The following PCDHGA9 variants were observed in gnomAD, a reference collection of about 807,000 sequenced individuals.
PCDHGA9 encodes the protein protocadherin gamma subfamily A, 9, also known as protocadherin gamma-A9.
Under a neutral mutation model 62.5 loss-of-function variants are expected in PCDHGA9, and 37 were observed. The observed-to-expected ratio is 0.59, with a 90% CI of 0.46 to 0.78. The LOEUF (loss-of-function observed/expected upper bound fraction) is 0.78, where lower values mean the gene tolerates loss of function less well. PCDHGA9 is among the 30% of genes least tolerant of loss of function. PCDHGA9 has a pLI of 0.00. For synonymous variants in PCDHGA9, 459 were observed against 484.6 expected (o/e 0.95, Z 0.69); for missense variants, 1,138 against 1,166.2 (o/e 0.98, Z 0.35).
At chr5:141,423,342 C>A in intron 1 of PCDHGA9, 1 of 1,613,824 alleles carries the variant, frequency 6.2e-7, no homozygotes, top group South Asian at 1.1e-5. Flanking sequence ...CCTGCATCTT[C>A]CTGGTCTTTG....
chr5:141,432,050 C>T lies in PCDHGA9; in HGVS notation c.2424+26674C>T. The stretch of plus-strand genomic sequence containing the variant: ...GACCGCCACTGACCGGGGAACCCCG[C>T]CCCTATCCACGGAAACTCATATCTC... On this transcript the variant is annotated intron_variant, in intron 1 of 3. Transcript: ENST00000573521. The surrounding 1 kb of genome is among the most constrained non-coding windows in gnomAD (Gnocchi z 6.0). The T allele has an allele frequency of 6.2e-7, 1 of 1,614,218 alleles. No individual in the cohort carries two copies. The highest frequency in any genetic ancestry group is 8.5e-7 in the Non-Finnish European group (1 of 1,180,044).
In PCDHGA9 at chr5:141,431,155, C is replaced by T; in HGVS notation, c.2424+25779C>T. On this transcript the variant is annotated intron_variant, in intron 1 of 3. Transcript: ENST00000573521. This position sits in a 1 kb window ranked among gnomAD's most constrained non-coding sequence, Gnocchi z 4.8. ...GGGACATTAACGACAATGCGCCTTA[C>T]TTTCGTGAAAGTGAATTAGAAATAA... is the stretch of plus-strand genomic sequence containing the variant. 6.2e-7 allele frequency: 1 copy of T among 1,614,212 alleles called. No homozygotes were observed. Among genetic ancestry groups the T allele is most frequent in the Non-Finnish European group, 8.5e-7 (1 of 1,180,032 alleles).
rs764337284 is a variant in PCDHGA9, at chr5:141,490,255, G to A, written c.2425-4552G>A. Reference sequence around the variant, plus strand: ...GGAGGGCCACTGTGTGATTCAAGTGGATGTGGGGGATGTCAATGACAATGC... The same window carrying A: ...GGAGGGCCACTGTGTGATTCAAGTGAATGTGGGGGATGTCAATGACAATGC... On this transcript the variant is annotated intron_variant, in intron 1 of 3. Transcript: ENST00000573521. The surrounding 1 kb of genome is among the most constrained non-coding windows in gnomAD (Gnocchi z 5.4). 6 of 1,614,118 alleles carry A rather than the reference G, an allele frequency of 3.7e-6. No individual in the cohort carries two copies. In the Admixed American group the frequency reaches 6.7e-5, roughly 18 times the overall value.
chr5:141,506,415 C>T lies in PCDHGA9; in HGVS notation c.2572+934C>T, dbSNP rs2099853185. 2.0e-5 allele frequency among the ~76,000 whole-genome samples: 3 copies of T among 148,290 alleles called. No homozygotes were observed. The South Asian group carries it at 6.4e-4, about 32-fold the overall frequency. On this transcript the variant is annotated intron_variant, in intron 3 of 3. Coordinates refer to ENST00000573521, the MANE Select transcript of PCDHGA9 (RefSeq NM_018921.3). ...GAGCAGAAAATCGCACCACTGCACT[C>T]CAGCCTGGGCAACAGTCTCGCTCTG...
rs574059424 is a variant in PCDHGA9 at position 141,426,522 on chromosome 5, G to A, written c.2424+21146G>A. On this transcript the variant is annotated intron_variant, in intron 1 of 3. Transcript: ENST00000573521. ...AGAAACAATACTTTACCGTGAACAC[G>A]GAGAATGGGAACATACTTGTGAGTG... is the stretch of plus-strand genomic sequence containing the variant. The A allele has an allele frequency of 4.4e-5, 15 of 341,518 alleles. No individual in the cohort carries two copies. In the East Asian group the frequency reaches 6.0e-4, roughly 14 times the overall value. 21.2% of individuals were successfully genotyped at this position (341,518 alleles called of 1,614,324 possible).
intron 1 of PCDHGA9, among the ~76,000 whole-genome samples, chr5:141,488,139 T>A (rs906194527): frequency 6.6e-6 from 1 of 152,084 alleles, no homozygotes; most frequent in Non-Finnish European, 1.5e-5. Context: ...AGGAGAGAAC[T>A]AAAGGAATAG....
chr5:141,402,906 C>T lies in PCDHGA9; in HGVS notation c.-47C>T. 1.3e-6 allele frequency: 2 copies of T among 1,529,180 alleles called. No individual in the cohort carries two copies. The highest frequency in any genetic ancestry group is 1.8e-6 in the Non-Finnish European group (2 of 1,139,500). The allele number at this position is 1,529,180 out of a possible 1,614,324, so 94.7% of individuals were successfully genotyped here. A position where few individuals can be genotyped will look rare whatever the true frequency, so the allele number is the denominator to read the frequency against. ...GGGTGGAAGAAAGAACCTGATGAAG[C>T]AGCGCGCACAGAGATCCTTTTGAGA... On this transcript the variant is annotated 5_prime_UTR_variant, in exon 1 of 4. The change creates a premature stop within an existing upstream ORF in the 5' untranslated region. Transcript: ENST00000573521.
At position 141,477,004 on chromosome 5, in the gene PCDHGA9, C is replaced by T. The variant is rs1390668803; in HGVS notation, c.2425-17803C>T. On this transcript the variant is annotated intron_variant, in intron 1 of 3. Coordinates refer to ENST00000573521, the MANE Select transcript of PCDHGA9 (RefSeq NM_018921.3). The surrounding 1 kb of genome is among the most constrained non-coding windows in gnomAD (Gnocchi z 4.9). ...GCGCCGGCGTGCGGCAACTATTCGC[C>T]TTAGACCTTGTAACCGGGATGCTGA... is the stretch of plus-strand genomic sequence containing the variant. 3 of 1,614,236 alleles carry T rather than the reference C, an allele frequency of 1.9e-6. No homozygotes were observed. The highest frequency in any genetic ancestry group is 2.5e-6 in the Non-Finnish European group (3 of 1,180,042).
In PCDHGA9 at chr5:141,410,693, A is replaced by AT. The variant is rs774266569; in HGVS notation, c.2424+5321dup. On this transcript the variant is annotated intron_variant, in intron 1 of 3. Coordinates refer to ENST00000573521, the MANE Select transcript of PCDHGA9 (RefSeq NM_018921.3). ...TCTCATATTTTAGGCATACTACTTT[A>AT]TTTTCATATCTAGAATCATATGTTT... The AT allele has an allele frequency of 1.1e-5, 17 of 1,496,786 alleles. No homozygotes were observed. In the Admixed American group the frequency reaches 3.7e-4, roughly 33 times the overall value. The allele number at this position is 1,496,786 out of a possible 1,614,324, so 92.7% of individuals were successfully genotyped here.
chr5:141,437,765 G>C (rs1561886251), intron 1 of PCDHGA9, among the ~76,000 whole-genome samples: 1 of 148,074 alleles, frequency 6.8e-6, no homozygotes, highest in African/African-American at 2.5e-5. Flanking sequence ...TTGAGACAGA[G>C]TCTCAATCTG....
intron 1 of PCDHGA9, among the ~76,000 whole-genome samples, chr5:141,482,057 C>A (rs2099551189): frequency 6.7e-6 from 1 of 149,978 alleles, no homozygotes; most frequent in Non-Finnish European, 1.5e-5. Flanking sequence ...TGCATTCCAG[C>A]CTGGGCAACA....
intron 1 of PCDHGA9, chr5:141,408,141 C>G: frequency 1.3e-6 from 2 of 1,492,116 alleles, no homozygotes; most frequent in Non-Finnish European, 1.8e-6. Context: ...GCTCTTTTAG[C>G]GCGGTAGAGT....
chr5:141,410,781 T>C, intron 1 of PCDHGA9: 2 of 937,378 alleles, frequency 2.1e-6, no homozygotes, highest in Non-Finnish European at 1.5e-6. Flanking sequence ...TCACTATGTA[T>C]TTGGTTCATA....
intron 1 of PCDHGA9, chr5:141,407,886 A>G (rs1390921977): frequency 2.6e-6 from 1 of 384,594 alleles, no homozygotes; most frequent in Non-Finnish European, 4.6e-6. Context: ...CATTTCGGAG[A>G]CCGAATTCAA....
At position 141,486,427 on chromosome 5, in the gene PCDHGA9, A is replaced by T. The variant is rs775958317; in HGVS notation, c.2425-8380A>T. ...CTGGACCCTTGGATCGAGAGGCCAAATCTAGCTATGACATCATGGTCACTG... is the reference window on the plus strand; with the variant it reads ...CTGGACCCTTGGATCGAGAGGCCAATTCTAGCTATGACATCATGGTCACTG... On this transcript the variant is annotated intron_variant, in intron 1 of 3. Transcript: ENST00000573521. The surrounding 1 kb of genome is among the most constrained non-coding windows in gnomAD (Gnocchi z 5.0). 17 of 1,614,042 alleles carry T rather than the reference A, an allele frequency of 1.1e-5. No homozygotes were observed. The Admixed American group carries it at 2.8e-4, about 27-fold the overall frequency.
At chr5:141,412,133 C>T (rs2095537829) in intron 1 of PCDHGA9, 1 of 152,184 alleles carries the variant, frequency 6.6e-6, no homozygotes, top group African/African-American at 2.4e-5. Flanking sequence ...GGACTTTGGC[C>T]TCTGATACAA....
At position 141,491,872 on chromosome 5, in the gene PCDHGA9, G is replaced by A; in HGVS notation, c.2425-2935G>A. On this transcript the variant is annotated intron_variant, in intron 1 of 3. Transcript: ENST00000573521. The surrounding 1 kb of genome is among the most constrained non-coding windows in gnomAD (Gnocchi z 6.9). ...CCGTTTGCGCGAAACCAGAGTGGCCGATTAAGGGATGGGGCTCCGAGCACC... is the reference window on the plus strand; with the variant it reads ...CCGTTTGCGCGAAACCAGAGTGGCCAATTAAGGGATGGGGCTCCGAGCACC... 6.9e-7 allele frequency: 1 copy of A among 1,452,190 alleles called. No individual in the cohort carries two copies. The highest frequency in any genetic ancestry group is 9.1e-7 in the Non-Finnish European group (1 of 1,098,644). The allele number at this position is 1,452,190 out of a possible 1,614,324, so 90.0% of individuals were successfully genotyped here.
rs1362252002 is a variant in PCDHGA9, at chr5:141,486,112, G to C, written c.2425-8695G>C. ...TGGGGCCCCTAGACTTTGAGAGTGA[G>C]AATTACTATGAATTTGATGTGCGGG... On this transcript the variant is annotated intron_variant, in intron 1 of 3. Coordinates refer to ENST00000573521, the MANE Select transcript of PCDHGA9 (RefSeq NM_018921.3). The surrounding 1 kb of genome is among the most constrained non-coding windows in gnomAD (Gnocchi z 5.0). 6 of 1,614,166 alleles carry C rather than the reference G, an allele frequency of 3.7e-6. No individual in the cohort carries two copies. The highest frequency in any genetic ancestry group is 1.7e-6 in the Non-Finnish European group (2 of 1,180,024).
At chr5:141,447,232 C>T (rs988057696) in intron 1 of PCDHGA9, among the ~76,000 whole-genome samples, 3 of 152,062 alleles carry the variant, frequency 2.0e-5, no homozygotes, top group East Asian at 1.9e-4. Flanking sequence ...CTCCGCCTCC[C>T]GGGTTCAAGT....
Sources: gnomAD v4.1 joint callset for allele counts (sites outside exome capture counted in the v4.1 genomes callset) on GRCh38, gnomAD v4.1.1 for gene constraint, Gnocchi (gnomAD v3.1) non-coding constraint, MANE v1.5 for transcripts, NCBI Gene and HGNC (gene_info 2026-07-23, HGNC 2026-07-21) for gene names.